FUCA1: variants seen among roughly 807,000 people sequenced by gnomAD.
FUCA1 encodes alpha-L-fucosidase 1, also known as tissue alpha-L-fucosidase.
FUCA1 carries 52 observed loss-of-function variants against 56.8 expected under a neutral mutation model. The observed-to-expected ratio is 0.92, with a 90% CI of 0.73 to 1.15. FUCA1 has a LOEUF of 1.15. FUCA1 is among the 50% of genes most tolerant of loss of function. The pLI is 0.00. For missense variants in FUCA1, 568 were observed against 592.6 expected, an observed-to-expected ratio of 0.96 and a Z score of 0.43; for synonymous variants, 230 against 226.6, an observed-to-expected ratio of 1.02 and a Z score of -0.14.
At chr1:23,856,441 C>T (rs1208686631) in intron 4 of FUCA1, among the ~76,000 whole-genome samples, 2 of 152,216 alleles carry the variant, frequency 1.3e-5, no homozygotes, top group African/African-American at 4.8e-5. Flanking sequence ...GGACATACTT[C>T]TACTATCATA....
At chr1:23,852,441 TCCCCTCTCCCTCTCCCTCTCC>T (rs1404830713) in intron 5 of FUCA1, among the ~76,000 whole-genome samples, 12 of 144,724 alleles carry the variant, frequency 8.3e-5, no homozygotes, top group East Asian at 2.1e-4. Context: ...AACAAAAAAC[TCCCCTCTCCCTCTCCCTCTCC>T]CCCCTCTCCC....
At chr1:23,857,723 A>G (rs1018765514) in intron 4 of FUCA1, among the ~76,000 whole-genome samples, 2 of 151,564 alleles carry the variant, frequency 1.3e-5, no homozygotes, top group Non-Finnish European at 2.9e-5. Context: ...GCTGGAGTGC[A>G]GTGGCGCCAT....
Position 23,859,805 on chromosome 1 carries a change from G to A in FUCA1, c.761C>T (p.Pro254Leu). 1 of 1,597,424 alleles carries A rather than the reference G, an allele frequency of 6.3e-7. No individual in the cohort carries two copies. The highest frequency in any genetic ancestry group is 8.6e-7 in the Non-Finnish European group (1 of 1,164,986). The change falls in exon 4 of 8, where the codon CCT becomes CTT. Residue 254 changes from proline (P) to leucine (L), a missense_variant. Coordinates refer to ENST00000374479, the MANE Select transcript of FUCA1 (RefSeq NM_000147.5). ...NFLSWLYNDS[P>L]VKDEVVVNDR... ...AGTCATATAATCACATACCTTGACA[G>A]GGCTGTCATTGTAGAGCCATGAAAG...
At chr1:23,858,741 A>T (rs1191376445) in intron 4 of FUCA1, among the ~76,000 whole-genome samples, 1 of 152,068 alleles carries the variant, frequency 6.6e-6, no homozygotes, top group Non-Finnish European at 1.5e-5. Context: ...TGTGTATCTT[A>T]TATGTTTTCT....
intron 4 of FUCA1, among the ~76,000 whole-genome samples, chr1:23,859,044 A>G (rs1204306519): frequency 1.3e-5 from 2 of 152,094 alleles, no homozygotes; most frequent in Admixed American, 1.3e-4. Flanking sequence ...GGCCTCCCAA[A>G]GTGCTGGGAT....
chr1:23,849,403 C>T (rs1199965354), intron 5 of FUCA1, among the ~76,000 whole-genome samples: 1 of 151,944 alleles, frequency 6.6e-6, no homozygotes, highest in Non-Finnish European at 1.5e-5. Context: ...GGCCATGGAG[C>T]ACTTCCTGTG....
rs1313029013 is a variant in FUCA1 at position 23,860,574 on chromosome 1, A to G, written c.663-671T>C. Among the ~76,000 whole-genome samples the G allele has an allele frequency of 3.1e-5, 4 of 130,968 alleles. No individual in the cohort carries two copies. The Admixed American group carries it at 3.2e-4, about 10-fold the overall frequency. The allele number at this position is 130,968 out of a possible 152,430, so 85.9% of individuals were successfully genotyped here. ...ACTCCAGCCTGGGCGACGGAGTGAA[A>G]CTCCGTCTCAAAAAAAAAAAAAAAA... On this transcript the variant is annotated intron_variant, in intron 3 of 7. Coordinates refer to ENST00000374479, the MANE Select transcript of FUCA1 (RefSeq NM_000147.5).
At chr1:23,866,426 G>C (rs1639625455) in intron 1 of FUCA1, among the ~76,000 whole-genome samples, 2 of 152,202 alleles carry the variant, frequency 1.3e-5, no homozygotes, top group Admixed American at 6.5e-5. Flanking sequence ...CCAATAACTG[G>C]GAGAAAAGGC....
At chr1:23,860,410 C>T (rs901495859) in intron 3 of FUCA1, among the ~76,000 whole-genome samples, 3 of 151,608 alleles carry the variant, frequency 2.0e-5, no homozygotes, top group Admixed American at 6.6e-5. Context: ...GGTGAAACCC[C>T]GTCTCTACTA....
At chr1:23,861,981 C>T (rs1639519679) in intron 3 of FUCA1, among the ~76,000 whole-genome samples, 1 of 152,152 alleles carries the variant, frequency 6.6e-6, no homozygotes, top group Non-Finnish European at 1.5e-5. Flanking sequence ...ATACTATTAT[C>T]CCATTTCACA....
At position 23,867,008 on chromosome 1, in the gene FUCA1, C is replaced by A. The variant is rs1247431259; in HGVS notation, c.389+890G>T. 6.6e-6 allele frequency among the ~76,000 whole-genome samples: 1 copy of A among 152,124 alleles called. No individual in the cohort carries two copies. The highest frequency in any genetic ancestry group is 2.4e-5 in the African/African-American group (1 of 41,412). ...TCAAAGTTCAAGAGAAACGAAAACC[C>A]GGAAGATGGCTGAGGAACCAAGGTA... On this transcript the variant is annotated intron_variant, in intron 1 of 7. Coordinates refer to ENST00000374479, the MANE Select transcript of FUCA1 (RefSeq NM_000147.5). This position sits in a 1 kb window ranked among gnomAD's most constrained non-coding sequence, Gnocchi z 4.9.
intron 1 of FUCA1, among the ~76,000 whole-genome samples, chr1:23,866,033 C>A (rs545440488): frequency 6.6e-6 from 1 of 152,316 alleles, no homozygotes; most frequent in South Asian, 2.1e-4. Flanking sequence ...ATTTGCTGGC[C>A]AGGCATGGTG....
At chr1:23,853,506 G>A (rs370035999) in intron 5 of FUCA1, among the ~76,000 whole-genome samples, 5 of 151,360 alleles carry the variant, frequency 3.3e-5, no homozygotes, top group African/African-American at 1.2e-4. Flanking sequence ...CTGCCCGGCC[G>A]CCCCTACTGG....
intron 5 of FUCA1, among the ~76,000 whole-genome samples, chr1:23,850,651 T>C (rs894987943): frequency 6.6e-6 from 1 of 151,664 alleles, no homozygotes; most frequent in Admixed American, 6.6e-5. Context: ...GCCCAGCTAA[T>C]TTTTTTTGTA....
In FUCA1 at chr1:23,867,444, A is replaced by T. The variant is rs181454786; in HGVS notation, c.389+454T>A. ...ACTCCCCTCTCTTTCCCTCTTAGAG[A>T]CATTAGGGCTCAAAGGGTTGTATCC... On this transcript the variant is annotated intron_variant, in intron 1 of 7. Transcript: ENST00000374479. This position sits in a 1 kb window ranked among gnomAD's most constrained non-coding sequence, Gnocchi z 4.9. 2.6e-5 allele frequency among the ~76,000 whole-genome samples: 4 copies of T among 152,146 alleles called. No homozygotes were observed. Among genetic ancestry groups the T allele is most frequent in the Admixed American group, 2.0e-4 (3 of 15,250 alleles).
rs184054309 is a variant in FUCA1 at position 23,867,217 on chromosome 1, T to A, written c.389+681A>T. 2.0e-5 allele frequency among the ~76,000 whole-genome samples: 3 copies of A among 152,288 alleles called. No individual in the cohort carries two copies. In the East Asian group the frequency reaches 5.8e-4, roughly 29 times the overall value. Reference sequence around the variant, plus strand: ...GGCTCACTCCTTCAGGACAAGCCCCTGCCTTGACAACTTCATGGGTCGTGG... The same window carrying A: ...GGCTCACTCCTTCAGGACAAGCCCCAGCCTTGACAACTTCATGGGTCGTGG... On this transcript the variant is annotated intron_variant, in intron 1 of 7. Transcript: ENST00000374479. This position sits in a 1 kb window ranked among gnomAD's most constrained non-coding sequence, Gnocchi z 4.9.
At chr1:23,856,111 A>C (rs933737000) in intron 4 of FUCA1, among the ~76,000 whole-genome samples, 1 of 152,332 alleles carries the variant, frequency 6.6e-6, no homozygotes, top group East Asian at 1.9e-4. Flanking sequence ...TTTACCTTTT[A>C]AGTTAGTTAC....
In FUCA1 at chr1:23,868,283, G is replaced by A. The variant is rs2070955; in HGVS notation, c.4C>T (p.Arg2Trp). Reference protein sequence around the residue: MRAPGMRSRPAG... With the variant: MWAPGMRSRPAG... Reference sequence around the variant, plus strand: ...GGCCGCGACCTCATCCCCGGAGCCCGCATCGCTACCCCTCAGCGACGCGGC... The same window carrying A: ...GGCCGCGACCTCATCCCCGGAGCCCACATCGCTACCCCTCAGCGACGCGGC... Residue 2 changes from arginine to tryptophan, a missense_variant, in exon 1 of 8, where the codon CGG (arginine) becomes TGG (tryptophan). Physicochemically the swap from Arg to Trp is moderately radical, Grantham distance 101 (BLOSUM62 -3). Coordinates refer to ENST00000374479, the MANE Select transcript of FUCA1 (RefSeq NM_000147.5). The A allele has an allele frequency of 0.1, 156,867 of 1,546,758 alleles. 8,523 individuals carry two copies. Among genetic ancestry groups the A allele is most frequent in the East Asian group, 0.18 (7,412 of 41,240 alleles).
intron 3 of FUCA1, among the ~76,000 whole-genome samples, chr1:23,861,140 C>T (rs1337732917): frequency 1.3e-5 from 2 of 151,120 alleles, no homozygotes; most frequent in East Asian, 2.0e-4. Flanking sequence ...TAGCTAACAC[C>T]GTGAAACCCC....
Sources: gnomAD v4.1 joint callset for allele counts (sites outside exome capture counted in the v4.1 genomes callset) on GRCh38, gnomAD v4.1.1 for gene constraint, Gnocchi (gnomAD v3.1) non-coding constraint, MANE v1.5 for transcripts, NCBI Gene and HGNC (gene_info 2026-07-23, HGNC 2026-07-21) for gene names.